Variants in TXNDC12 observed in about 807,000 individuals in gnomAD.
TXNDC12 encodes thioredoxin domain-containing protein 12.
A neutral mutation model predicts 24.2 loss-of-function variants in TXNDC12; 22 were observed. The ratio of observed to expected loss-of-function variants is 0.91; its 90% CI spans 0.65 to 1.30. The LOEUF is 1.30. Ranked by LOEUF, TXNDC12 falls within the 50% of genes most tolerant of loss-of-function variation. The probability of loss-of-function intolerance (pLI) is 0.00; values close to 1 mark genes in which losing one functional copy is unlikely to be tolerated. For missense variants in TXNDC12, 184 were observed against 205.8 expected (o/e 0.89, Z 0.65); for synonymous variants, 58 against 73.4 (o/e 0.79, Z 1.07).
intron 2 of TXNDC12, chr1:52,033,468 C>A: frequency 1.2e-5 from 20 of 1,613,272 alleles, no homozygotes; most frequent in Non-Finnish European, 1.7e-5. Context: ...GCGGGGTGCG[C>A]GCCGCCCGTG....
At chr1:52,024,377 C>T in intron 5 of TXNDC12, 133 bp downstream of exon 5, 2 of 683,352 alleles carry the variant, frequency 2.9e-6, no homozygotes, top group East Asian at 2.7e-5. Context: ...AGAACTCCCC[C>T]ACTCTCTCTT....
At chr1:52,055,194 C>T (rs1686314538), upstream of TXNDC12, 2 of 770,158 alleles carry the variant, frequency 2.6e-6, no homozygotes, top group South Asian at 1.6e-5. Context: ...AGCACAACAC[C>T]TCTACTTCCC....
At chr1:52,037,533 C>G (rs1685907126) in intron 2 of TXNDC12, among the ~76,000 whole-genome samples, 1 of 151,960 alleles carries the variant, frequency 6.6e-6, no homozygotes, top group Admixed American at 6.6e-5. Context: ...TTTAATTTGC[C>G]TTTGGTGCTG....
intron 2 of TXNDC12, among the ~76,000 whole-genome samples, chr1:52,029,439 C>A (rs1409325114): frequency 6.6e-6 from 1 of 152,172 alleles, no homozygotes; most frequent in Non-Finnish European, 1.5e-5. Flanking sequence ...CCACCCGAAC[C>A]AGACTGGCTA....
chr1:52,040,779 C>A (rs928802617), intron 2 of TXNDC12, among the ~76,000 whole-genome samples: 9 of 152,064 alleles, frequency 5.9e-5, no homozygotes, highest in Non-Finnish European at 8.8e-5. Context: ...ATCTGTAATC[C>A]CAGCACTTTG....
intron 2 of TXNDC12, among the ~76,000 whole-genome samples, chr1:52,030,200 T>C (rs1465933370): frequency 3.7e-4 from 56 of 152,088 alleles, no homozygotes. Context: ...TGAAAACCTG[T>C]CTCTACAAAA....
intron 2 of TXNDC12, among the ~76,000 whole-genome samples, chr1:52,041,140 G>A (rs541010758): frequency 4.9e-4 from 75 of 152,210 alleles, no homozygotes; most frequent in African/African-American, 1.7e-3. Context: ...AGACCATCCT[G>A]GCTAACACGG....
chr1:52,025,837 T>C (rs76345940), intron 4 of TXNDC12, among the ~76,000 whole-genome samples: 46 of 151,950 alleles, frequency 3.0e-4, no homozygotes, highest in Middle Eastern at 3.4e-3. Context: ...TTTTTTTTTT[T>C]TCTCTTTTTT....
In TXNDC12 at chr1:52,020,369, A is replaced by C. The variant is rs746131991; in HGVS notation, c.*564T>G. On this transcript the variant is annotated 3_prime_UTR_variant, in exon 7 of 7. Coordinates refer to ENST00000371626, the MANE Select transcript of TXNDC12 (RefSeq NM_015913.4). Reference sequence around the variant, plus strand: ...AGGGAAGCTCAAGCATGAGAAGAGGAAAGAGGCTGTAGAAATTTGGGAAGA... The same window carrying C: ...AGGGAAGCTCAAGCATGAGAAGAGGCAAGAGGCTGTAGAAATTTGGGAAGA... 10 of 353,624 alleles carry C rather than the reference A, an allele frequency of 2.8e-5. No homozygotes were observed. The highest frequency in any genetic ancestry group is 5.0e-5 in the Non-Finnish European group (9 of 181,262). 21.9% of individuals were successfully genotyped at this position (353,624 alleles called of 1,614,324 possible). A position where few individuals can be genotyped will look rare whatever the true frequency, so the allele number is the denominator to read the frequency against.
In TXNDC12 at chr1:52,027,350, T is replaced by C. The variant is rs1394661054; in HGVS notation, c.212-2A>G. The C allele has an allele frequency of 6.2e-7, 1 of 1,610,296 alleles. No homozygotes were observed. Among genetic ancestry groups the C allele is most frequent in the East Asian group, 2.2e-5 (1 of 44,812 alleles). The stretch of plus-strand genomic sequence containing the variant: ...ATTCTGCAAATTTGGGCTTTAGAGC[T>C]GGGGGGAAAAAGATTTTGGAATAGA... On this transcript the variant is annotated splice_acceptor_variant, in intron 3 of 6. Coordinates refer to ENST00000371626, the MANE Select transcript of TXNDC12 (RefSeq NM_015913.4). LOFTEE classifies it high-confidence loss of function.
intron 2 of TXNDC12, chr1:52,034,032 G>T: frequency 1.4e-6 from 2 of 1,381,100 alleles, no homozygotes; most frequent in Non-Finnish European, 1.9e-6. Flanking sequence ...AAGACTGCCC[G>T]TCCATTTTAT....
At chr1:52,029,495 C>T (rs1409085607) in intron 2 of TXNDC12, among the ~76,000 whole-genome samples, 1 of 152,166 alleles carries the variant, frequency 6.6e-6, no homozygotes, top group African/African-American at 2.4e-5. Flanking sequence ...GTAGGAAGAC[C>T]CCATGTAAGT....
chr1:52,036,455 G>A (rs556593608), intron 2 of TXNDC12, among the ~76,000 whole-genome samples: 1 of 152,254 alleles, frequency 6.6e-6, no homozygotes, highest in African/African-American at 2.4e-5. Flanking sequence ...AGGAGGAGGA[G>A]GAAGAGGAAG....
chr1:52,036,981 T>C (rs938260814), intron 2 of TXNDC12, among the ~76,000 whole-genome samples: 2 of 152,234 alleles, frequency 1.3e-5, no homozygotes, highest in African/African-American at 4.8e-5. Flanking sequence ...CAGGAATTTA[T>C]TGTTTCAGGC....
chr1:52,025,893 G>A (rs1319782693), intron 4 of TXNDC12, among the ~76,000 whole-genome samples: 4 of 150,682 alleles, frequency 2.7e-5, no homozygotes, highest in East Asian at 2.0e-4. Context: ...GCAGTGGCGC[G>A]ATCTCAGCTC....
At chr1:52,023,404 G>T in intron 6 of TXNDC12, 87 bp downstream of exon 6, 1 of 1,090,084 alleles carries the variant, frequency 9.2e-7, no homozygotes, top group Non-Finnish European at 1.4e-6. Flanking sequence ...CTAACATGCT[G>T]AATTTACTTT....
At chr1:52,033,309 G>T in intron 2 of TXNDC12, 1 of 1,613,890 alleles carries the variant, frequency 6.2e-7, no homozygotes, top group Non-Finnish European at 8.5e-7. Context: ...GTTCCCTGAG[G>T]ACGCTGCTGC....
rs1320692367 is a variant in TXNDC12, at chr1:52,055,054, A to G, written c.43T>C (p.Phe15Leu). 6.2e-7 allele frequency: 1 copy of G among 1,614,118 alleles called. No homozygotes were observed. Among genetic ancestry groups the G allele is most frequent in the Non-Finnish European group, 8.5e-7 (1 of 1,179,978 alleles). Residue 15 changes from phenylalanine to leucine, a missense_variant, in exon 1 of 7, where the codon TTC becomes CTC. Phe to Leu is a conservative substitution (Grantham distance 22, BLOSUM62 0). Transcript: ENST00000371626. ...PRLGATCLLG[F>L]SFLLLVISSD... ...GAGATGACGAGGAGCAGGAAACTGA[A>G]GCCCAGCAAACAGGTGGCCCCGAGA...
chr1:52,035,637 G>A (rs180830059), intron 2 of TXNDC12, among the ~76,000 whole-genome samples: 2 of 152,070 alleles, frequency 1.3e-5, no homozygotes, highest in Non-Finnish European at 2.9e-5. Context: ...GCTTGAACCC[G>A]GGATGCGGAG....
Sources: allele counts gnomAD v4.1 joint callset (sites outside exome capture counted in the v4.1 genomes callset), GRCh38; gene constraint gnomAD v4.1.1; transcripts MANE v1.5; gene names NCBI Gene and HGNC (gene_info 2026-07-23, HGNC 2026-07-21).